The following TNKS variants were observed in gnomAD, a reference collection of about 807,000 sequenced individuals.
The protein encoded by TNKS is tankyrase, also known as poly [ADP-ribose] polymerase tankyrase-1.
TNKS carries 72 observed loss-of-function variants against 135.8 expected under a neutral mutation model. The observed-to-expected ratio is 0.53, with a 90% CI of 0.44 to 0.64. TNKS has a LOEUF of 0.64. Among genes scored for constraint, TNKS ranks in the 30% least tolerant of loss-of-function variants. The pLI, the probability that TNKS is intolerant of heterozygous loss-of-function variation, is 0.00. For synonymous variants in TNKS, 849 were observed against 649.3 expected, an observed-to-expected ratio of 1.31 and a Z score of -4.68; for missense variants, 1,769 against 1,674.0, an observed-to-expected ratio of 1.06 and a Z score of -0.99.
At chr8:9,600,258 C>A (rs1454106604) in intron 2 of TNKS, among the ~76,000 whole-genome samples, 1 of 152,140 alleles carries the variant, frequency 6.6e-6, no homozygotes, top group Non-Finnish European at 1.5e-5. Flanking sequence ...TGGCATATTG[C>A]CATGGCAGAC....
intron 3 of TNKS, among the ~76,000 whole-genome samples, chr8:9,616,163 T>C (rs1799638106): frequency 6.6e-6 from 1 of 152,222 alleles, no homozygotes; most frequent in South Asian, 2.1e-4. Context: ...TTTACCATGA[T>C]AGCTAAGTTA....
chr8:9,600,510 G>A (rs568426228), intron 2 of TNKS, among the ~76,000 whole-genome samples: 64 of 152,012 alleles, frequency 4.2e-4, no homozygotes, highest in African/African-American at 1.4e-3. Context: ...GACAGGTCTC[G>A]CCATGTTGAC....
intron 2 of TNKS, among the ~76,000 whole-genome samples, chr8:9,603,404 C>T (rs1015618982): frequency 6.6e-6 from 1 of 152,208 alleles, no homozygotes; most frequent in African/African-American, 2.4e-5. Flanking sequence ...ATCAGTTTCT[C>T]TAGTCACGTT....
chr8:9,680,259 AT>A (rs576072482), intron 4 of TNKS, among the ~76,000 whole-genome samples: 1 of 152,286 alleles, frequency 6.6e-6, no homozygotes, highest in South Asian at 2.1e-4. Flanking sequence ...TTCTTGGAGT[AT>A]TTAAATACCT....
chr8:9,680,157 C>A (rs1177313780), intron 4 of TNKS, among the ~76,000 whole-genome samples, 170 bp downstream of exon 4: 2 of 152,032 alleles, frequency 1.3e-5, no homozygotes, highest in African/African-American at 2.4e-5. Context: ...ATAATAAAAT[C>A]TTTTCATGTG....
At chr8:9,694,466 A>G (rs1301645297) in intron 5 of TNKS, among the ~76,000 whole-genome samples, 1 of 152,132 alleles carries the variant, frequency 6.6e-6, no homozygotes. Flanking sequence ...TTTTCTTTCA[A>G]AAAGTATTGT....
chr8:9,630,037 C>G (rs964773714), intron 3 of TNKS, among the ~76,000 whole-genome samples: 2 of 152,164 alleles, frequency 1.3e-5, no homozygotes, highest in African/African-American at 4.8e-5. Context: ...TGCTAATAAG[C>G]TCTTCCTGAC....
At chr8:9,703,252 C>T (rs1803899209) in intron 5 of TNKS, among the ~76,000 whole-genome samples, 2 of 152,118 alleles carry the variant, frequency 1.3e-5, no homozygotes, top group South Asian at 2.1e-4. Flanking sequence ...TCCAAGGTGG[C>T]ACAAAGTGGG....
intron 1 of TNKS, among the ~76,000 whole-genome samples, chr8:9,578,217 G>T (rs146568307): frequency 6.6e-6 from 1 of 152,180 alleles, no homozygotes; most frequent in African/African-American, 2.4e-5. Context: ...ATTCAGATCC[G>T]TAGAGAAGGA....
chr8:9,598,804 TATATATATATATATGA>T (rs1798906012), intron 2 of TNKS, among the ~76,000 whole-genome samples: 2 of 115,334 alleles, frequency 1.7e-5, no homozygotes, highest in South Asian at 2.7e-4. Context: ...TATATATATA[TATATATATATATATGA>T]ATGAATTGGT....
At chr8:9,656,611 C>CTTTTTTTTTTT (rs71201960) in intron 3 of TNKS, among the ~76,000 whole-genome samples, 261 of 136,400 alleles carry the variant, frequency 1.9e-3, no homozygotes, top group African/African-American at 7.0e-3. Context: ...AAAGAATTTT[C>CTTTTTTTTTTT]TTTTTTTTTT....
At chr8:9,592,846 A>T (rs10086860) in intron 2 of TNKS, among the ~76,000 whole-genome samples, 21 of 152,312 alleles carry the variant, frequency 1.4e-4, no homozygotes, top group Non-Finnish European at 2.8e-4. Context: ...TTTTAAAGCA[A>T]TGTGAACTTG....
intron 2 of TNKS, among the ~76,000 whole-genome samples, chr8:9,614,789 A>T (rs1425138471): frequency 6.6e-6 from 1 of 152,166 alleles, no homozygotes; most frequent in Non-Finnish European, 1.5e-5. Flanking sequence ...CTACGTATAC[A>T]CACCACATAC....
At chr8:9,630,401 G>T (rs939904507) in intron 3 of TNKS, among the ~76,000 whole-genome samples, 7 of 152,184 alleles carry the variant, frequency 4.6e-5, no homozygotes, top group South Asian at 2.1e-4. Flanking sequence ...ACAATGAGAA[G>T]ATTTGAAAAG....
chr8:9,637,631 TCTCCA>T (rs1800562453), intron 3 of TNKS, among the ~76,000 whole-genome samples: 1 of 152,170 alleles, frequency 6.6e-6, no homozygotes, highest in Admixed American at 6.5e-5. Flanking sequence ...AGTATCCTTT[TCTCCA>T]GGAGAGCAAC....
chr8:9,757,473 T>A (rs959817075), intron 20 of TNKS, among the ~76,000 whole-genome samples: 1 of 152,224 alleles, frequency 6.6e-6, no homozygotes, highest in Non-Finnish European at 1.5e-5. Flanking sequence ...GTATTCCCTC[T>A]GTCTTAAGCC....
At chr8:9,670,797 A>G (rs1435537241) in intron 3 of TNKS, 2 of 152,218 alleles carry the variant, frequency 1.3e-5, no homozygotes, top group Non-Finnish European at 2.9e-5. Context: ...GATGTAAGAC[A>G]CTGATGGTAA....
At chr8:9,592,360 T>G (rs1798619448) in intron 2 of TNKS, among the ~76,000 whole-genome samples, 1 of 152,228 alleles carries the variant, frequency 6.6e-6, no homozygotes, top group Non-Finnish European at 1.5e-5. Context: ...TTCATCTTAC[T>G]GGCTTTAGTA....
intron 5 of TNKS, among the ~76,000 whole-genome samples, chr8:9,696,648 C>T (rs1384849055): frequency 6.6e-6 from 1 of 152,144 alleles, no homozygotes; most frequent in African/African-American, 2.4e-5. Flanking sequence ...CATTTCTATA[C>T]ACCATGAGCA....
Sources: allele counts gnomAD v4.1 joint callset (sites outside exome capture counted in the v4.1 genomes callset), GRCh38; gene constraint gnomAD v4.1.1; transcripts MANE v1.5; gene names NCBI Gene and HGNC (gene_info 2026-07-23, HGNC 2026-07-21).